Variants in CTNNA2 observed in about 807,000 individuals in gnomAD.
The protein encoded by CTNNA2 is catenin alpha-2.
A neutral mutation model predicts 101.0 loss-of-function variants in CTNNA2; 42 were observed. The ratio of observed to expected loss-of-function variants is 0.42; its 90% CI spans 0.32 to 0.54. CTNNA2 has a LOEUF of 0.54. Ranked by LOEUF, CTNNA2 falls within the 20% of genes least tolerant of loss-of-function variation. CTNNA2 has a pLI of 0.14. For missense variants in CTNNA2, 871 were observed against 1,223.1 expected (o/e 0.71, Z 4.29); for synonymous variants, 450 against 456.4 (o/e 0.99, Z 0.18).
chr2:79,972,779 A>G (rs1690573912), intron 7 of CTNNA2, among the ~76,000 whole-genome samples: 1 of 152,176 alleles, frequency 6.6e-6, no homozygotes, highest in Non-Finnish European at 1.5e-5. Flanking sequence ...TCAATGAAAG[A>G]AACAAGGGAG....
At chr2:79,351,581 C>A (rs531479349) in intron 3 of CTNNA2, among the ~76,000 whole-genome samples, 6 of 151,950 alleles carry the variant, frequency 3.9e-5, no homozygotes, top group Non-Finnish European at 8.8e-5. Flanking sequence ...CAACCCCTAC[C>A]CCTCTCCATT....
At chr2:80,592,352 C>CT (rs1425682478) in intron 15 of CTNNA2, among the ~76,000 whole-genome samples, 8 of 152,190 alleles carry the variant, frequency 5.3e-5, no homozygotes, top group Non-Finnish European at 8.8e-5. Flanking sequence ...AACCATCCAG[C>CT]TTCCTTTGCA....
chr2:80,303,590 A>G lies in CTNNA2; in HGVS notation c.1057-89621A>G. ...GAACTGGCCGGCGCGCAGCTCCGAG[A>G]GGCTGTTGTAGCGCAGGGACAAGCC... On this transcript the variant is annotated intron_variant, in intron 7 of 18. Transcript: ENST00000402739. The surrounding 1 kb of genome is among the most constrained non-coding windows in gnomAD (Gnocchi z 7.7). 1 of 1,614,180 alleles carries G rather than the reference A, an allele frequency of 6.2e-7. No individual in the cohort carries two copies. The highest frequency in any genetic ancestry group is 8.5e-7 in the Non-Finnish European group (1 of 1,180,024).
At chr2:80,313,457 A>G (rs144115414) in intron 7 of CTNNA2, 5 of 1,515,796 alleles carry the variant, frequency 3.3e-6, no homozygotes, top group African/African-American at 2.8e-5. Context: ...TAACAAACCA[A>G]TATTATTCAT....
chr2:79,773,322 C>T (rs1673725558), intron 3 of CTNNA2, among the ~76,000 whole-genome samples: 1 of 152,230 alleles, frequency 6.6e-6, no homozygotes, highest in Non-Finnish European at 1.5e-5. Context: ...TCCCATGACA[C>T]TGCCTCAGGA....
At chr2:79,350,222 C>A (rs1362369336) in intron 3 of CTNNA2, among the ~76,000 whole-genome samples, 1 of 151,866 alleles carries the variant, frequency 6.6e-6, no homozygotes, top group South Asian at 2.1e-4. Context: ...CTTCTAGGGT[C>A]CCCATCTCCC....
At chr2:80,500,555 G>T (rs1687802560) in intron 9 of CTNNA2, among the ~76,000 whole-genome samples, 1 of 152,244 alleles carries the variant, frequency 6.6e-6, no homozygotes, top group African/African-American at 2.4e-5. Context: ...GATCCAGAGA[G>T]AAAGAGGACA....
At chr2:80,319,587 AGG>A (rs1678483535) in intron 7 of CTNNA2, among the ~76,000 whole-genome samples, 1 of 152,194 alleles carries the variant, frequency 6.6e-6, no homozygotes, top group Admixed American at 6.5e-5. Flanking sequence ...AGAATCTCTA[AGG>A]GCTGAAAATG....
At chr2:79,879,168 C>T (rs1410990555) in intron 6 of CTNNA2, among the ~76,000 whole-genome samples, 1 of 152,018 alleles carries the variant, frequency 6.6e-6, no homozygotes, top group Non-Finnish European at 1.5e-5. Flanking sequence ...TCTTCTGTTC[C>T]GTTGGTCTGT....
At chr2:79,650,066 A>G (rs542902647) in intron 1 of CTNNA2, among the ~76,000 whole-genome samples, 6 of 150,352 alleles carry the variant, frequency 4.0e-5, no homozygotes, top group Non-Finnish European at 8.8e-5. Flanking sequence ...AATCATTCAG[A>G]TTCGGTTTGT....
Position 80,619,203 on chromosome 2 carries a change from G to T in CTNNA2, c.2549G>T (p.Gly850Val). 6.3e-7 allele frequency: 1 copy of T among 1,582,368 alleles called. No homozygotes were observed. The highest frequency in any genetic ancestry group is 8.6e-7 in the Non-Finnish European group (1 of 1,164,298). ...LPTCAEGAPI[G>V]SGSSDSSMLD... is the part of the protein sequence containing the mutation. ...ACCTGTGCTGAGGGAGCTCCGATCG[G>T]GAGTGGAAGCAGTGATTCCTCCATG... The change falls in exon 18 of 19, where the codon GGG becomes GTG. Residue 850 changes from glycine (G) to valine (V), a missense_variant. By Grantham distance (109) the Gly-to-Val change is moderately radical. This residue lies in a region of CTNNA2 where 65 missense variants were observed against 53.3 expected (regional missense o/e 1.22). Transcript: ENST00000402739.
At chr2:79,292,567 T>C (rs1675852167) in intron 2 of CTNNA2, among the ~76,000 whole-genome samples, 1 of 152,210 alleles carries the variant, frequency 6.6e-6, no homozygotes, top group African/African-American at 2.4e-5. Context: ...TCCCAGTTTG[T>C]CTTTAGAAGC....
intron 7 of CTNNA2, among the ~76,000 whole-genome samples, chr2:80,109,261 C>T (rs1701068686): frequency 6.6e-6 from 1 of 151,986 alleles, no homozygotes; most frequent in Admixed American, 6.6e-5. Context: ...GAGACTGAGG[C>T]CATCCTGGCC....
At chr2:79,540,410 G>A (rs1332812605) in intron 1 of CTNNA2, among the ~76,000 whole-genome samples, 1 of 152,162 alleles carries the variant, frequency 6.6e-6, no homozygotes, top group Non-Finnish European at 1.5e-5. Context: ...GTCTGGCACC[G>A]AGTAAGTGCA....
At chr2:80,279,049 C>G (rs1014539106) in intron 7 of CTNNA2, among the ~76,000 whole-genome samples, 9 of 135,824 alleles carry the variant, frequency 6.6e-5, no homozygotes, top group African/African-American at 2.5e-4. Context: ...ATGACTTTTA[C>G]GTGTGTGTGT....
At chr2:80,603,918 A>G (rs1002089547) in intron 15 of CTNNA2, 156 bp from the exon 16 acceptor site, 6 of 556,830 alleles carry the variant, frequency 1.1e-5, no homozygotes, top group African/African-American at 1.9e-5. Context: ...CTACTAATAT[A>G]GAAACTGGAG....
chr2:79,570,262 G>C, intron 1 of CTNNA2, among the ~76,000 whole-genome samples: 1 of 152,102 alleles, frequency 6.6e-6, no homozygotes, highest in Non-Finnish European at 1.5e-5. Context: ...CTTGCAGCCA[G>C]TTTTCTCTCT....
At chr2:80,160,098 GTTGA>G (rs1704220878) in intron 7 of CTNNA2, among the ~76,000 whole-genome samples, 1 of 152,038 alleles carries the variant, frequency 6.6e-6, no homozygotes, top group South Asian at 2.1e-4. Context: ...TCCCCATTTG[GTTGA>G]TTTTGTACTT....
At chr2:79,457,750 A>G (rs1558670796) in intron 4 of CTNNA2, among the ~76,000 whole-genome samples, 1 of 152,212 alleles carries the variant, frequency 6.6e-6, no homozygotes, top group African/African-American at 2.4e-5. Context: ...TATATTGTTC[A>G]TTGGGTTAAC....
Sources: gnomAD v4.1 joint callset for allele counts (sites outside exome capture counted in the v4.1 genomes callset) on GRCh38, gnomAD v4.1.1 for gene constraint, gnomAD v4.1.1 regional missense constraint, Gnocchi (gnomAD v3.1) non-coding constraint, MANE v1.5 for transcripts, NCBI Gene and HGNC (gene_info 2026-07-23, HGNC 2026-07-21) for gene names.